The following CDH26 variants were observed in gnomAD, a reference collection of about 807,000 sequenced individuals.
CDH26 encodes cadherin 26.
In CDH26, 83 loss-of-function variants were observed where a neutral mutation model predicts 90.3. That is an observed-to-expected ratio of 0.92 (90% CI 0.77 to 1.10). The LOEUF is 1.10. Ranked by LOEUF, CDH26 falls within the 50% of genes least tolerant of loss-of-function variation. The probability of loss-of-function intolerance (pLI) is 0.00; values close to 1 mark genes in which losing one functional copy is unlikely to be tolerated. For missense variants in CDH26, 1,013 were observed against 1,037.6 expected (o/e 0.98, Z 0.33); for synonymous variants, 397 against 396.3 (o/e 1.00, Z -0.02).
intron 7 of CDH26, among the ~76,000 whole-genome samples, chr20:60,020,960 G>C (rs1029907331): frequency 1.3e-5 from 2 of 152,200 alleles, no homozygotes; most frequent in Non-Finnish European, 2.9e-5. Flanking sequence ...GGGCTGATCA[G>C]ATCCAGGCAG....
chr20:60,019,183 C>T (rs1030455049), downstream of CDH26, among the ~76,000 whole-genome samples: 3 of 152,072 alleles, frequency 2.0e-5, no homozygotes, highest in Non-Finnish European at 2.9e-5. Flanking sequence ...TATAATGTGA[C>T]TTGGAGAGAA....
downstream of CDH26, chr20:60,014,632 T>A (rs1476877058): frequency 6.6e-6 from 1 of 152,250 alleles, no homozygotes; most frequent in African/African-American, 2.4e-5. Flanking sequence ...TGACAGAATT[T>A]TTTTATTTTA....
At chr20:59,971,691 C>T (rs2061262806) in intron 3 of CDH26, among the ~76,000 whole-genome samples, 1 of 152,166 alleles carries the variant, frequency 6.6e-6, no homozygotes, top group African/African-American at 2.4e-5. Flanking sequence ...GTATCCCATG[C>T]TATGTGAAGG....
chr20:60,018,185 G>A (rs528603703), downstream of CDH26, among the ~76,000 whole-genome samples: 4 of 152,090 alleles, frequency 2.6e-5, no homozygotes, highest in African/African-American at 9.6e-5. Context: ...AATCTGTCCA[G>A]TGCTGAGAGT....
chr20:60,026,000 G>A (rs1030768472), intron 7 of CDH26, among the ~76,000 whole-genome samples: 2 of 152,310 alleles, frequency 1.3e-5, no homozygotes, highest in Admixed American at 1.3e-4. Flanking sequence ...TGTGGAATCT[G>A]TGGTGTTAGC....
downstream of CDH26, among the ~76,000 whole-genome samples, chr20:60,035,857 G>A (rs1048708223): frequency 3.3e-5 from 5 of 151,608 alleles, no homozygotes; most frequent in South Asian, 4.2e-4. Context: ...TTCCCCTTTC[G>A]CCATGATTGT....
chr20:59,969,122 G>A, intron 2 of CDH26, 99 bp downstream of exon 2: 1 of 725,480 alleles, frequency 1.4e-6, no homozygotes, highest in Non-Finnish European at 2.4e-6. Flanking sequence ...CCCTGCCAAT[G>A]TTTGGTTTGC....
chr20:60,002,559 T>C (rs2061690775), intron 15 of CDH26, among the ~76,000 whole-genome samples: 1 of 152,116 alleles, frequency 6.6e-6, no homozygotes, highest in South Asian at 2.1e-4. Flanking sequence ...GGCATGGCCA[T>C]GGCAAAAGGA....
At chr20:59,972,560 G>A (rs2061275756) in intron 4 of CDH26, among the ~76,000 whole-genome samples, 1 of 152,168 alleles carries the variant, frequency 6.6e-6, no homozygotes, top group African/African-American at 2.4e-5. Flanking sequence ...TGTGAGTGCA[G>A]GTGTTCTTTA....
intron 17 of CDH26, among the ~76,000 whole-genome samples, chr20:60,007,420 T>C (rs1170997868): frequency 1.3e-5 from 2 of 152,144 alleles, no homozygotes; most frequent in Non-Finnish European, 2.9e-5. Flanking sequence ...ACAGCAGTCT[T>C]CTATTCAACA....
chr20:60,001,215 C>A, intron 14 of CDH26, 128 bp from the exon 15 acceptor site: 1 of 1,111,848 alleles, frequency 9.0e-7, no homozygotes, highest in Non-Finnish European at 1.3e-6. Flanking sequence ...TCCCTCTCAT[C>A]GTGTTAATTT....
downstream of CDH26, among the ~76,000 whole-genome samples, chr20:60,018,330 C>T (rs1284507562): frequency 6.6e-6 from 1 of 151,926 alleles, no homozygotes; most frequent in East Asian, 1.9e-4. Context: ...CTCTTGCTGA[C>T]CTGTTCCCCT....
Position 59,999,651 on chromosome 20 carries a change from G to A in CDH26, c.2085G>A (p.Thr695=), listed in dbSNP as rs912136996. Residue 695 remains threonine, a synonymous_variant, in exon 14 of 18, where the codon ACG becomes ACA. Transcript: ENST00000348616. ...LLICTAAAGP[T]QGVKDLEEVP... ...TCTGCACAGCTGCAGCAGGACCCACGCAGGGAGTTAAGGTAACATGCCCCT... is the reference window on the plus strand; with the variant it reads ...TCTGCACAGCTGCAGCAGGACCCACACAGGGAGTTAAGGTAACATGCCCCT... The A allele has an allele frequency of 1.3e-5, 21 of 1,614,042 alleles. No individual in the cohort carries two copies. The highest frequency in any genetic ancestry group is 6.7e-5 in the East Asian group (3 of 44,878).
chr20:59,969,038 T>A lies in CDH26; in HGVS notation c.126+15T>A. 6.4e-7 allele frequency: 1 copy of A among 1,564,162 alleles called. No individual in the cohort carries two copies. The highest frequency in any genetic ancestry group is 1.3e-5 in the African/African-American group (1 of 74,094). On this transcript the variant is annotated intron_variant, in intron 2 of 17. Transcript: ENST00000348616. The stretch of plus-strand genomic sequence containing the variant: ...AGCAAACAAAGGTGAGGTTTGGAAG[T>A]CAGTTTCTTAATATATAAAATCAGT...
chr20:59,959,404 C>A (rs1013040029), intron 1 of CDH26, among the ~76,000 whole-genome samples: 2 of 151,282 alleles, frequency 1.3e-5, no homozygotes, highest in African/African-American at 2.4e-5. Context: ...CCAGCCAACA[C>A]ACACAATTTT....
chr20:59,987,609 A>G lies in CDH26; in HGVS notation c.994A>G (p.Thr332Ala), dbSNP rs1429379956. ...GHFDISTDPE[T>A]NEGILNVIKP... ...TTTTGACATTTCGACTGACCCTGAG[A>G]CCAACGAAGGGATATTAAATGTTAT... Residue 332 changes from threonine (T) to alanine (A), a missense_variant, in exon 8 of 18, where the codon ACC becomes GCC. Coordinates refer to ENST00000348616, the MANE Select transcript of CDH26 (RefSeq NM_177980.4). The G allele has an allele frequency of 6.2e-7, 1 of 1,613,538 alleles. No homozygotes were observed. The highest frequency in any genetic ancestry group is 2.2e-5 in the East Asian group (1 of 44,852).
intron 4 of CDH26, among the ~76,000 whole-genome samples, chr20:59,972,528 A>G (rs1313435702): frequency 6.6e-6 from 1 of 152,258 alleles, no homozygotes; most frequent in Non-Finnish European, 1.5e-5. Flanking sequence ...GAGCAGTTGC[A>G]TACCTGTTGA....
chr20:60,022,090 A>G lies in CDH26; in HGVS notation c.948-9141A>G, dbSNP rs181214589. Among the ~76,000 whole-genome samples, 3 of 152,038 alleles carry G rather than the reference A, an allele frequency of 2.0e-5. No individual in the cohort carries two copies. In the East Asian group the frequency reaches 5.8e-4, roughly 29 times the overall value. On this transcript the variant is annotated intron_variant, in intron 7 of 8. Coordinates refer to the CDH26 transcript ENST00000370991. ...TCCCCAACTGATGTCTGCAGGAGAC[A>G]TTCCTGGATGTCTGCTGGTCCTCCT...
intron 14 of CDH26, among the ~76,000 whole-genome samples, chr20:60,000,197 C>T (rs1184968366): frequency 6.6e-6 from 1 of 152,170 alleles, no homozygotes. Context: ...GGAAGCCAGG[C>T]TAGCACCAGA....
Sources: allele counts gnomAD v4.1 joint callset (sites outside exome capture counted in the v4.1 genomes callset), GRCh38; gene constraint gnomAD v4.1.1; transcripts MANE v1.5; gene names NCBI Gene and HGNC (gene_info 2026-07-23, HGNC 2026-07-21).